FCRL5: variants seen among roughly 807,000 people sequenced by gnomAD.
The protein encoded by FCRL5 is Fc receptor like 5, also known as Fc receptor-like protein 5.
Under a neutral mutation model 92.1 loss-of-function variants are expected in FCRL5, and 79 were observed. The observed-to-expected ratio is 0.86, with a 90% CI of 0.72 to 1.03. The LOEUF is 1.03. FCRL5 is among the 50% of genes least tolerant of loss of function. FCRL5 has a pLI of 0.00. For synonymous variants in FCRL5, 466 were observed against 469.3 expected (o/e 0.99, Z 0.09); for missense variants, 1,160 against 1,181.1 (o/e 0.98, Z 0.26).
chr1:157,539,743 G>A (rs1021142495), intron 6 of FCRL5, among the ~76,000 whole-genome samples: 2 of 152,182 alleles, frequency 1.3e-5, no homozygotes, highest in Admixed American at 1.3e-4. Context: ...ATGCATATCT[G>A]ATTATTTCCC....
chr1:157,522,660 C>T (rs1369849165), intron 10 of FCRL5: 1 of 152,216 alleles, frequency 6.6e-6, no homozygotes, highest in Non-Finnish European at 1.5e-5. Context: ...CTGGCAGCTC[C>T]TGGTCTCTAT....
intron 8 of FCRL5, among the ~76,000 whole-genome samples, chr1:157,529,833 G>A (rs1315881116): frequency 3.9e-5 from 6 of 152,138 alleles, no homozygotes. Context: ...AGAGTGGGGT[G>A]ATGGATAAAG....
intron 12 of FCRL5, among the ~76,000 whole-genome samples, chr1:157,519,983 G>C (rs573201847): frequency 6.6e-6 from 1 of 152,162 alleles, no homozygotes; most frequent in Non-Finnish European, 1.5e-5. Context: ...TCCACAATCC[G>C]TAATCCTTTA....
At chr1:157,519,014 A>G in intron 13 of FCRL5, 1 of 383,344 alleles carries the variant, frequency 2.6e-6, no homozygotes, top group South Asian at 6.4e-5. Context: ...TGCTTACAGC[A>G]ATACGTTGTT....
intron 6 of FCRL5, among the ~76,000 whole-genome samples, chr1:157,540,593 G>A (rs1187692424): frequency 6.6e-6 from 1 of 150,980 alleles, no homozygotes; most frequent in East Asian, 1.9e-4. Context: ...CTCACAGTCG[G>A]TTTCTCCGCC....
At chr1:157,546,284 C>A (rs1158757936) in intron 3 of FCRL5, 1 of 452,938 alleles carries the variant, frequency 2.2e-6, no homozygotes, top group Non-Finnish European at 4.4e-6. Flanking sequence ...CCCATCTCTG[C>A]TAAGAATACA....
intron 7 of FCRL5, among the ~76,000 whole-genome samples, chr1:157,537,479 C>T (rs930650488): frequency 1.1e-4 from 17 of 152,176 alleles, no homozygotes; most frequent in African/African-American, 2.7e-4. Context: ...AATGACAATG[C>T]GTGCCCGAAG....
At chr1:157,547,334 A>C (rs947470796) in intron 2 of FCRL5, 137 bp from the exon 3 acceptor site, 4 of 1,169,696 alleles carry the variant, frequency 3.4e-6, no homozygotes, top group Non-Finnish European at 5.1e-6. Context: ...TGATAGCTCA[A>C]AGCTCCCTGT....
At position 157,539,258 on chromosome 1, in the gene FCRL5, G is replaced by A. The variant is rs1246213978; in HGVS notation, c.1230C>T (p.Ile410=). ...CACCCTCATGATGAAACTGGTACAG[G>A]ATGGGGAGTGAACCTCTCTGGGCTT... ...HCEAQRGSLP[I]LYQFHHEGAA... Residue 410 remains isoleucine, a synonymous_variant, in exon 7 of 17, where the codon ATC becomes ATT. Coordinates refer to ENST00000361835, the MANE Select transcript of FCRL5 (RefSeq NM_031281.3). 1.2e-6 allele frequency: 2 copies of A among 1,614,226 alleles called. No individual in the cohort carries two copies. The highest frequency in any genetic ancestry group is 8.5e-7 in the Non-Finnish European group (1 of 1,180,028).
intron 10 of FCRL5, among the ~76,000 whole-genome samples, chr1:157,523,221 G>A (rs1650277254): frequency 6.6e-6 from 1 of 152,204 alleles, no homozygotes; most frequent in Non-Finnish European, 1.5e-5. Flanking sequence ...TTACATGACT[G>A]GAATGGTGAT....
chr1:157,516,390 C>A (rs1386302627), intron 15 of FCRL5, among the ~76,000 whole-genome samples: 2 of 152,312 alleles, frequency 1.3e-5, no homozygotes, highest in East Asian at 3.9e-4. Context: ...TGAGTTTACA[C>A]ATATGTGTGA....
Position 157,518,509 on chromosome 1 carries a change from G to T in FCRL5, c.2744-12C>A, listed in dbSNP as rs745708988. The T allele has an allele frequency of 6.2e-7, 1 of 1,612,216 alleles. No homozygotes were observed. Among genetic ancestry groups the T allele is most frequent in the Non-Finnish European group, 8.5e-7 (1 of 1,178,384 alleles). ...TCCTCTAGGATTTGCTTAGAAAAAA[G>T]TTGAAGTTTCAGAGGATGCTGAGGT... On this transcript the variant is annotated splice_polypyrimidine_tract_variant and intron_variant, in intron 14 of 16. Transcript: ENST00000361835.
At position 157,546,189 on chromosome 1, in the gene FCRL5, T is replaced by C. The variant is rs749967825; in HGVS notation, c.307+754A>G. ...GAGGCCGGGTGCAGTGGCTCATACC[T>C]GTAATCCCAGCGCTTTGAGAGGCCT... On this transcript the variant is annotated intron_variant, in intron 3 of 16. Transcript: ENST00000361835. 21 of 430,446 alleles carry C rather than the reference T, an allele frequency of 4.9e-5. 1 individual carries two copies. Among genetic ancestry groups the C allele is most frequent in the South Asian group, 3.5e-4 (21 of 59,258 alleles). 26.7% of individuals were successfully genotyped at this position (430,446 alleles called of 1,614,324 possible).
At chr1:157,551,336 G>A (rs968767944) in intron 1 of FCRL5, among the ~76,000 whole-genome samples, 3 of 152,092 alleles carry the variant, frequency 2.0e-5, no homozygotes, top group African/African-American at 7.2e-5. Context: ...CCTACTTCAG[G>A]AATTATAGTC....
chr1:157,540,580 T>G (rs1162578090), intron 6 of FCRL5, among the ~76,000 whole-genome samples: 5 of 152,144 alleles, frequency 3.3e-5, no homozygotes, highest in Middle Eastern at 3.4e-3. Context: ...GCATTTGCAG[T>G]TCCTCACAGT....
Position 157,527,851 on chromosome 1 carries a change from G to A in FCRL5, c.1726C>T (p.Gln576Ter). 6.2e-7 allele frequency: 1 copy of A among 1,609,160 alleles called. No homozygotes were observed. The highest frequency in any genetic ancestry group is 8.5e-7 in the Non-Finnish European group (1 of 1,177,378). ...PILTLRVPRA[Q>*]AVVGDLLELH... ...TCCAGCAGGTCCCCCACCACAGCCT[G>A]GGCCCTGGGAACCCTGAGGGTGAGG... Residue 576 changes from glutamine (Q) to a stop codon, truncating the protein, a stop_gained, in exon 9 of 17, where the codon CAG (glutamine) becomes TAG (stop). Coordinates refer to ENST00000361835, the MANE Select transcript of FCRL5 (RefSeq NM_031281.3). LOFTEE classifies it high-confidence loss of function.
At chr1:157,543,386 G>T (rs1651365521) in intron 5 of FCRL5, among the ~76,000 whole-genome samples, 1 of 152,084 alleles carries the variant, frequency 6.6e-6, no homozygotes, top group Non-Finnish European at 1.5e-5. Flanking sequence ...CACTTGCATT[G>T]GCCTCAGGGA....
chr1:157,543,592 C>A (rs1420044202), intron 5 of FCRL5, among the ~76,000 whole-genome samples: 1 of 152,202 alleles, frequency 6.6e-6, no homozygotes, highest in Non-Finnish European at 1.5e-5. Flanking sequence ...GGTGTCCTGA[C>A]TCCTAGTCTG....
At chr1:157,520,285 G>T in intron 12 of FCRL5, 146 bp downstream of exon 12, 1 of 632,616 alleles carries the variant, frequency 1.6e-6, no homozygotes, top group Non-Finnish European at 2.8e-6. Flanking sequence ...CAATTCGGGA[G>T]GACCCAGCGG....
Sources: gnomAD v4.1 joint callset for allele counts (sites outside exome capture counted in the v4.1 genomes callset) on GRCh38, gnomAD v4.1.1 for gene constraint, MANE v1.5 for transcripts, NCBI Gene and HGNC (gene_info 2026-07-23, HGNC 2026-07-21) for gene names.